PRR5L: variants seen among roughly 807,000 people sequenced by gnomAD.
PRR5L encodes proline-rich protein 5-like.
PRR5L carries 21 observed loss-of-function variants against 36.4 expected under a neutral mutation model. The ratio of observed to expected loss-of-function variants is 0.58; its 90% CI spans 0.41 to 0.83. The LOEUF (loss-of-function observed/expected upper bound fraction) is 0.83, where lower values mean the gene tolerates loss of function less well. PRR5L is among the 40% of genes least tolerant of loss of function. PRR5L has a pLI of 0.00. For synonymous variants in PRR5L, 188 were observed against 197.0 expected, an observed-to-expected ratio of 0.95 and a Z score of 0.38; for missense variants, 381 against 473.3, an observed-to-expected ratio of 0.80 and a Z score of 1.81.
At chr11:36,356,789 C>T (rs1857032532) in intron 1 of PRR5L, among the ~76,000 whole-genome samples, 1 of 152,076 alleles carries the variant, frequency 6.6e-6, no homozygotes, top group South Asian at 2.1e-4. Context: ...GTGGTTGTTC[C>T]CCTGACTCTC....
intron 1 of PRR5L, among the ~76,000 whole-genome samples, chr11:36,371,526 G>A (rs948115429): frequency 6.6e-6 from 1 of 152,196 alleles, no homozygotes; most frequent in Non-Finnish European, 1.5e-5. Flanking sequence ...AGATCTACTT[G>A]TGCTCCTCAC....
At chr11:36,309,983 C>A (rs991787868) in intron 1 of PRR5L, among the ~76,000 whole-genome samples, 1 of 152,296 alleles carries the variant, frequency 6.6e-6, no homozygotes, top group Non-Finnish European at 1.5e-5. Context: ...CACCATCATC[C>A]CCACTACGAC....
intron 3 of PRR5L, among the ~76,000 whole-genome samples, chr11:36,412,406 C>T (rs900501461): frequency 1.3e-5 from 2 of 152,082 alleles, no homozygotes; most frequent in Non-Finnish European, 1.5e-5. Context: ...GTTTATTATT[C>T]GTTATGATGA....
chr11:36,330,310 A>G (rs767011453), intron 1 of PRR5L, among the ~76,000 whole-genome samples: 19 of 152,212 alleles, frequency 1.2e-4, no homozygotes, highest in Admixed American at 2.6e-4. Flanking sequence ...TCCAAACAAA[A>G]AGGCCACAAA....
intron 1 of PRR5L, among the ~76,000 whole-genome samples, chr11:36,300,204 C>T (rs145804171): frequency 1.4e-4 from 22 of 152,194 alleles, no homozygotes; most frequent in African/African-American, 5.1e-4. Flanking sequence ...TTATTTGGCT[C>T]ACGTTTCTGC....
chr11:36,336,816 G>A (rs779314943), intron 1 of PRR5L, among the ~76,000 whole-genome samples: 4 of 152,006 alleles, frequency 2.6e-5, no homozygotes, highest in Non-Finnish European at 5.9e-5. Context: ...TTTCTAAACT[G>A]CATAGCAATT....
intron 4 of PRR5L, among the ~76,000 whole-genome samples, chr11:36,420,206 T>G (rs1279240844): frequency 6.6e-6 from 1 of 152,220 alleles, no homozygotes; most frequent in East Asian, 1.9e-4. Flanking sequence ...GCAAGCTGTT[T>G]CACCTCCCTG....
intron 6 of PRR5L, among the ~76,000 whole-genome samples, chr11:36,443,453 CT>C (rs1288831651): frequency 6.6e-6 from 1 of 152,152 alleles, no homozygotes; most frequent in Non-Finnish European, 1.5e-5. Flanking sequence ...TGTCACTGAC[CT>C]GGGTTCACAT....
At chr11:36,356,745 A>C (rs1857032038) in intron 1 of PRR5L, among the ~76,000 whole-genome samples, 1 of 152,208 alleles carries the variant, frequency 6.6e-6, no homozygotes, top group African/African-American at 2.4e-5. Flanking sequence ...CACTTAATCC[A>C]TAACTGTTAT....
intron 1 of PRR5L, among the ~76,000 whole-genome samples, chr11:36,357,905 G>A (rs1857045247): frequency 6.6e-6 from 1 of 152,236 alleles, no homozygotes; most frequent in South Asian, 2.1e-4. Context: ...TAAGGCTAAA[G>A]CTGTCATAGA....
At chr11:36,462,262 T>C in intron 8 of PRR5L, 80 bp from the exon 9 acceptor site, 1 of 1,390,440 alleles carries the variant, frequency 7.2e-7, no homozygotes, top group South Asian at 1.6e-5. Flanking sequence ...ACCTTGTTCT[T>C]TTCCCCCAGT....
At chr11:36,434,316 A>G (rs1858562388) in intron 5 of PRR5L, among the ~76,000 whole-genome samples, 1 of 152,202 alleles carries the variant, frequency 6.6e-6, no homozygotes, top group Non-Finnish European at 1.5e-5. Context: ...CTACTTTTTA[A>G]TTTTATGTAT....
intron 1 of PRR5L, among the ~76,000 whole-genome samples, chr11:36,359,425 T>G (rs1414590775): frequency 6.6e-6 from 1 of 152,218 alleles, no homozygotes; most frequent in East Asian, 1.9e-4. Context: ...AATGGATTAA[T>G]TTGTTACTGG....
At chr11:36,462,284 C>A in intron 8 of PRR5L, 58 bp from the exon 9 acceptor site, 3 of 1,449,870 alleles carry the variant, frequency 2.1e-6, no homozygotes, top group Non-Finnish European at 2.7e-6. Flanking sequence ...GGATTAGGAG[C>A]TTTTAAGCAC....
chr11:36,339,420 A>G (rs1349416219), intron 1 of PRR5L, among the ~76,000 whole-genome samples: 1 of 152,228 alleles, frequency 6.6e-6, no homozygotes, highest in Non-Finnish European at 1.5e-5. Flanking sequence ...AAACTTGTAT[A>G]TATTAAGTAC....
In PRR5L at chr11:36,351,667, TTATATACTTATATATTTATA is replaced by T. The variant is rs1440751264; in HGVS notation, c.-125-49326_-125-49307del. On this transcript the variant is annotated intron_variant, in intron 1 of 8. Transcript: ENST00000530639. ...TTTATATATTTATATAAATATATAT[TTATATACTTATATATTTATA>T]TATTTATATATTTATATATTTATTT... Among the ~76,000 whole-genome samples the T allele has an allele frequency of 9.6e-3, 29 of 3,012 alleles. 13 individuals are homozygous for T. Among genetic ancestry groups the T allele is most frequent in the African/African-American group, 0.029 (29 of 1,000 alleles). The allele number at this position is 3,012 out of a possible 152,430, so 2.0% of individuals were successfully genotyped here. A position where few individuals can be genotyped will look rare whatever the true frequency, so the allele number is the denominator to read the frequency against.
intron 6 of PRR5L, among the ~76,000 whole-genome samples, chr11:36,445,129 T>C (rs1323679204): frequency 1.3e-5 from 2 of 152,190 alleles, no homozygotes; most frequent in Non-Finnish European, 2.9e-5. Flanking sequence ...TCAGGGGATA[T>C]GGAGATAGCA....
chr11:36,356,704 G>A (rs1857031649), intron 1 of PRR5L, among the ~76,000 whole-genome samples: 1 of 151,864 alleles, frequency 6.6e-6, no homozygotes, highest in Non-Finnish European at 1.5e-5. Context: ...ATTGTTTTGG[G>A]GCACCACACA....
intron 1 of PRR5L, among the ~76,000 whole-genome samples, chr11:36,382,464 C>T (rs1007920687): frequency 4.6e-5 from 7 of 152,190 alleles, no homozygotes; most frequent in South Asian, 2.1e-4. Flanking sequence ...CTTCTGAAAG[C>T]GCACATGCAT....
Sources: allele counts gnomAD v4.1 joint callset (sites outside exome capture counted in the v4.1 genomes callset), GRCh38; gene constraint gnomAD v4.1.1; transcripts MANE v1.5; gene names NCBI Gene and HGNC (gene_info 2026-07-23, HGNC 2026-07-21).